The following CIZ1 variants were observed in gnomAD, a reference collection of about 807,000 sequenced individuals.
CIZ1 encodes the protein cip1-interacting zinc finger protein.
A neutral mutation model predicts 118.6 loss-of-function variants in CIZ1; 58 were observed. The ratio of observed to expected loss-of-function variants is 0.49; its 90% CI spans 0.40 to 0.61. The LOEUF (loss-of-function observed/expected upper bound fraction) is 0.61. Among genes scored for constraint, CIZ1 ranks in the 20% least tolerant of loss-of-function variants. The probability of loss-of-function intolerance (pLI) is 0.00; values close to 1 mark genes in which losing one functional copy is unlikely to be tolerated. For synonymous variants in CIZ1, 448 were observed against 443.4 expected (o/e 1.01, Z -0.13); for missense variants, 921 against 1,115.9 (o/e 0.83, Z 2.49).
chr9:128,204,170 GC>G (rs1462346483), intron 1 of CIZ1: 2 of 152,558 alleles, frequency 1.3e-5, no homozygotes, highest in East Asian at 3.8e-4. Context: ...ACGGCCTCCC[GC>G]CAGCACACAC....
At chr9:128,179,898 C>T (rs558004817) in intron 7 of CIZ1, among the ~76,000 whole-genome samples, 1 of 151,480 alleles carries the variant, frequency 6.6e-6, no homozygotes, top group Admixed American at 6.6e-5. Flanking sequence ...TCTCAAACTC[C>T]CAACCTCAGG....
chr9:128,173,722 G>A (rs570377948), intron 11 of CIZ1, among the ~76,000 whole-genome samples: 8 of 152,076 alleles, frequency 5.3e-5, no homozygotes, highest in Non-Finnish European at 1.2e-4. Flanking sequence ...AACGGCCAAC[G>A]CGGGCCGGGC....
chr9:128,187,172 T>C (rs180940806), intron 4 of CIZ1, among the ~76,000 whole-genome samples: 3 of 152,284 alleles, frequency 2.0e-5, no homozygotes, highest in South Asian at 2.1e-4. Context: ...ACTCCTGACC[T>C]CAGGGTGATC....
chr9:128,176,284 A>C (rs545729003), intron 11 of CIZ1, 67 bp downstream of exon 11: 1 of 1,577,044 alleles, frequency 6.3e-7, no homozygotes, highest in South Asian at 1.2e-5. Flanking sequence ...TGCAGATGGT[A>C]GATTCAGGCC....
intron 12 of CIZ1, 192 bp downstream of exon 12, chr9:128,169,828 G>A (rs1829915450): frequency 1.9e-6 from 2 of 1,078,224 alleles, no homozygotes; most frequent in Non-Finnish European, 2.7e-6. Flanking sequence ...ATGGGGCCTG[G>A]CCTACACTGG....
chr9:128,182,975 C>T (rs539161053), intron 5 of CIZ1, among the ~76,000 whole-genome samples: 2 of 152,230 alleles, frequency 1.3e-5, no homozygotes, highest in East Asian at 1.9e-4. Context: ...ATATCTCTCA[C>T]CACCCTCCCC....
At chr9:128,171,081 G>A (rs1208344837) in intron 11 of CIZ1, among the ~76,000 whole-genome samples, 2 of 151,336 alleles carry the variant, frequency 1.3e-5, no homozygotes, top group African/African-American at 2.4e-5. Context: ...AACCATGACT[G>A]CCACTGCACT....
intron 1 of CIZ1, chr9:128,197,713 C>T (rs781688006): frequency 2.0e-5 from 3 of 152,276 alleles, no homozygotes; most frequent in Admixed American, 6.5e-5. Flanking sequence ...CAGTCACACC[C>T]TCTGCTACCT....
rs551659002 is a variant in CIZ1 at position 128,177,755 on chromosome 9, G to A, written c.1629C>T (p.Gly543=). Residue 543 remains glycine, a synonymous_variant, in exon 10 of 17, where the codon GGC becomes GGT. Transcript: ENST00000372938. ...TGGTGACCTTCAGGGAGCCCCCGGC[G>A]CCCCATACCTGCATGGGGAGTAGGA... ...NRAREMPGVW[G]AGGSLKVTIL... 21 of 1,594,188 alleles carry A rather than the reference G, an allele frequency of 1.3e-5. 2 individuals carry two copies. Among genetic ancestry groups the A allele is most frequent in the African/African-American group, 1.1e-4 (8 of 74,536 alleles).
chr9:128,192,972 A>G (rs1246993193), upstream of CIZ1, among the ~76,000 whole-genome samples: 4 of 152,322 alleles, frequency 2.6e-5, no homozygotes, highest in East Asian at 7.7e-4. Context: ...GGCGGCGCGC[A>G]GACCCGGGCA....
At chr9:128,179,919 G>A (rs371504305) in intron 7 of CIZ1, among the ~76,000 whole-genome samples, 16 of 150,798 alleles carry the variant, frequency 1.1e-4, no homozygotes, top group African/African-American at 3.2e-4. Context: ...TGATCCGCCC[G>A]CCTCAGCCTC....
chr9:128,193,369 G>T (rs1270380789), upstream of CIZ1, among the ~76,000 whole-genome samples: 1 of 152,076 alleles, frequency 6.6e-6, no homozygotes, highest in Non-Finnish European at 1.5e-5. Context: ...ACCCGCTCCC[G>T]TGAAAACCAA....
upstream of CIZ1, among the ~76,000 whole-genome samples, chr9:128,195,597 C>T (rs545507159): frequency 8.3e-4 from 127 of 152,208 alleles, no homozygotes; most frequent in African/African-American, 3.0e-3. Context: ...GGATTACAAG[C>T]GTGAGCCTCC....
upstream of CIZ1, among the ~76,000 whole-genome samples, chr9:128,194,501 A>G (rs1340465255): frequency 1.3e-5 from 2 of 151,914 alleles, no homozygotes; most frequent in Non-Finnish European, 2.9e-5. Flanking sequence ...AAATATTTAT[A>G]TATTTTTTCT....
In CIZ1 at chr9:128,203,370, G is replaced by A. The variant is rs989324181; in HGVS notation, c.-6+816C>T. On this transcript the variant is annotated intron_variant, in intron 1 of 17. Transcript: ENST00000372948. This position sits in a 1 kb window ranked among gnomAD's most constrained non-coding sequence, Gnocchi z 5.3. ...GATCCCCGAGGGGCGGGGGCCCCGC[G>A]GCGCAGGCAGTCTGGGCGCGCGGCT... is the stretch of plus-strand genomic sequence containing the variant. 6 of 1,165,080 alleles carry A rather than the reference G, an allele frequency of 5.1e-6. No homozygotes were observed. The highest frequency in any genetic ancestry group is 4.5e-5 in the Admixed American group (1 of 22,236). 72.2% of individuals were successfully genotyped at this position (1,165,080 alleles called of 1,614,324 possible).
intron 10 of CIZ1, among the ~76,000 whole-genome samples, chr9:128,177,335 G>A (rs773954951): frequency 2.6e-5 from 4 of 152,180 alleles, no homozygotes; most frequent in Non-Finnish European, 2.9e-5. Flanking sequence ...GCTGCAGTGA[G>A]CTGAGATCAT....
intron 11 of CIZ1, among the ~76,000 whole-genome samples, chr9:128,173,783 G>A (rs1651545883): frequency 6.6e-6 from 1 of 151,960 alleles, no homozygotes; most frequent in African/African-American, 2.4e-5. Flanking sequence ...AAGGCGGGCA[G>A]ATCACAAGGT....
chr9:128,178,524 C>G (rs781606022), intron 8 of CIZ1, 34 bp from the exon 9 acceptor site: 1 of 1,613,816 alleles, frequency 6.2e-7, no homozygotes, highest in Non-Finnish European at 8.5e-7. Flanking sequence ...TTCCCAGAGT[C>G]CCCAGGCCCA....
intron 11 of CIZ1, among the ~76,000 whole-genome samples, chr9:128,173,694 C>T (rs534018160): frequency 1.3e-5 from 2 of 152,196 alleles, no homozygotes; most frequent in South Asian, 2.1e-4. Context: ...GCCAGTGTCA[C>T]GTCTGAGGCT....
Sources: allele counts gnomAD v4.1 joint callset (sites outside exome capture counted in the v4.1 genomes callset), GRCh38; gene constraint gnomAD v4.1.1; non-coding constraint Gnocchi (gnomAD v3.1); transcripts MANE v1.5; gene names NCBI Gene and HGNC (gene_info 2026-07-23, HGNC 2026-07-21).